C4BPA: variants seen among roughly 807,000 people sequenced by gnomAD.
C4BPA encodes C4b-binding protein alpha chain.
A neutral mutation model predicts 63.7 loss-of-function variants in C4BPA; 31 were observed. The observed-to-expected ratio is 0.49, with a 90% CI of 0.37 to 0.66. C4BPA has a LOEUF of 0.66. Among genes scored for constraint, C4BPA ranks in the 30% least tolerant of loss-of-function variants. The pLI is 0.00. For synonymous variants in C4BPA, 259 were observed against 254.7 expected, an observed-to-expected ratio of 1.02 and a Z score of -0.16; for missense variants, 572 against 723.3, an observed-to-expected ratio of 0.79 and a Z score of 2.40.
chr1:207,106,448 T>TTTGTTTTTG (rs914566073), intron 1 of C4BPA, among the ~76,000 whole-genome samples: 3 of 136,338 alleles, frequency 2.2e-5, no homozygotes, highest in African/African-American at 8.8e-5. Flanking sequence ...TAAGTTTTTT[T>TTTGTTTTTG]TTTTTTTTTG....
chr1:207,141,061 A>G (rs1685403215), intron 9 of C4BPA, 45 bp from the exon 10 acceptor site: 4 of 1,497,020 alleles, frequency 2.7e-6, no homozygotes, highest in Non-Finnish European at 2.7e-6. Context: ...TACTTTATAC[A>G]CTTTACAAAC....
At chr1:207,143,080 C>A (rs1189539646) in intron 10 of C4BPA, among the ~76,000 whole-genome samples, 2 of 152,258 alleles carry the variant, frequency 1.3e-5, no homozygotes, top group Non-Finnish European at 2.9e-5. Flanking sequence ...GACTTGAGAC[C>A]AACCCAAATG....
intron 4 of C4BPA, among the ~76,000 whole-genome samples, chr1:207,118,213 GTCTATCTA>G (rs35838980): frequency 3.4e-4 from 47 of 137,490 alleles, no homozygotes; most frequent in East Asian, 1.0e-3. Flanking sequence ...TCTATCATCT[GTCTATCTA>G]TCTATCTATC....
chr1:207,110,571 C>T (rs181510826), intron 1 of C4BPA, among the ~76,000 whole-genome samples: 25 of 152,250 alleles, frequency 1.6e-4, no homozygotes, highest in African/African-American at 6.0e-4. Flanking sequence ...GGGAGAATTG[C>T]TTGAGGCCAG....
chr1:207,113,143 G>A lies in C4BPA; in HGVS notation c.118G>A (p.Ala40Thr), dbSNP rs774716235. Reference sequence around the variant, plus strand: ...AATTCTCTTCCAAATGACCTTGATCGCTGCTCTGTTGCCTGCTGTTCTTGG... The same window carrying A: ...AATTCTCTTCCAAATGACCTTGATCACTGCTCTGTTGCCTGCTGTTCTTGG... ...DPILFQMTLI[A>T]ALLPAVLGNC... The change falls in exon 2 of 12, where the codon GCT becomes ACT. Residue 40 changes from alanine to threonine, a missense_variant. Transcript: ENST00000367070. 2.5e-6 allele frequency: 4 copies of A among 1,610,704 alleles called. No homozygotes were observed. Among genetic ancestry groups the A allele is most frequent in the South Asian group, 1.1e-5 (1 of 90,400 alleles).
chr1:207,124,480 C>A, intron 6 of C4BPA, 114 bp downstream of exon 6: 1 of 732,354 alleles, frequency 1.4e-6, no homozygotes, highest in Non-Finnish European at 2.2e-6. Context: ...AACTAACTAT[C>A]GCTCTGATGC....
chr1:207,110,919 G>C (rs1461950482), intron 1 of C4BPA, among the ~76,000 whole-genome samples: 1 of 141,688 alleles, frequency 7.1e-6, no homozygotes, highest in Non-Finnish European at 1.5e-5. Flanking sequence ...ATTTTTCATA[G>C]TCAATTCTAT....
At position 207,115,461 on chromosome 1, in the gene C4BPA, A is replaced by C; in HGVS notation, c.374A>C (p.Glu125Ala). The C allele has an allele frequency of 6.3e-7, 1 of 1,599,318 alleles. No homozygotes were observed. Among genetic ancestry groups the C allele is most frequent in the Non-Finnish European group, 8.5e-7 (1 of 1,175,474 alleles). ...HPGELRNGQV[E>A]IKTDLSFGSQ... The stretch of plus-strand genomic sequence containing the variant: ...GGAGAGTTACGTAATGGGCAAGTAG[A>C]GATTAAGACAGATTTATCTTTTGGA... Residue 125 changes from glutamate (E) to alanine (A), a missense_variant, in exon 4 of 12, where the codon GAG becomes GCG. By Grantham distance (107) the Glu-to-Ala change is moderately radical (BLOSUM62 -1). Transcript: ENST00000367070.
intron 3 of C4BPA, chr1:207,114,598 A>G (rs773500219): frequency 4.6e-6 from 1 of 217,916 alleles, no homozygotes. Flanking sequence ...GTTTCAAGTG[A>G]CTCTCCTGCC....
intron 4 of C4BPA, among the ~76,000 whole-genome samples, chr1:207,116,391 T>G (rs781413882): frequency 6.6e-5 from 10 of 152,106 alleles, no homozygotes; most frequent in Admixed American, 6.6e-4. Flanking sequence ...CTTGTTGAAC[T>G]TTTTATTCTT....
chr1:207,144,444 G>A (rs1218875457), intron 11 of C4BPA, 100 bp from the exon 12 acceptor site: 1 of 1,047,792 alleles, frequency 9.5e-7, no homozygotes, highest in African/African-American at 1.6e-5. Flanking sequence ...TCTGAGGTTG[G>A]TCTTGGTTCA....
chr1:207,139,738 C>T (rs1685371784), intron 9 of C4BPA, among the ~76,000 whole-genome samples: 3 of 152,134 alleles, frequency 2.0e-5, no homozygotes, highest in Non-Finnish European at 2.9e-5. Context: ...CAGTTACCTA[C>T]GTAAATAAAC....
At chr1:207,141,062 C>T (rs775695588) in intron 9 of C4BPA, 44 bp from the exon 10 acceptor site, 44 of 1,511,694 alleles carry the variant, frequency 2.9e-5, no homozygotes, top group Non-Finnish European at 4.0e-5. Flanking sequence ...ACTTTATACA[C>T]TTTACAAACT....
intron 1 of C4BPA, among the ~76,000 whole-genome samples, chr1:207,106,442 T>TTTTATTTG (rs1684560432): frequency 9.1e-6 from 1 of 109,630 alleles, no homozygotes; most frequent in African/African-American, 4.1e-5. Flanking sequence ...TCCGTGTAAG[T>TTTTATTTG]TTTTTTTTTT....
rs1196770495 is a variant in C4BPA, at chr1:207,119,848, G to A, written c.429-4074G>A. On this transcript the variant is annotated intron_variant, in intron 4 of 11. Transcript: ENST00000367070. The stretch of plus-strand genomic sequence containing the variant: ...TGTGGTTGTAGCAGATATTTATAAC[G>A]ATGTTTCTGTTACTTATTCCATATT... Among the ~76,000 whole-genome samples the A allele has an allele frequency of 1.0e-4, 3 of 29,064 alleles. 1 individual carries two copies. The highest frequency in any genetic ancestry group is 2.5e-4 in the Non-Finnish European group (2 of 7,882). The allele number at this position is 29,064 out of a possible 152,430, so 19.1% of individuals were successfully genotyped here. A position where few individuals can be genotyped will look rare whatever the true frequency, so the allele number is the denominator to read the frequency against.
chr1:207,141,513 T>C (rs1346928147), intron 10 of C4BPA, among the ~76,000 whole-genome samples: 1 of 152,238 alleles, frequency 6.6e-6, no homozygotes, highest in Non-Finnish European at 1.5e-5. Flanking sequence ...GGGCAGCCCA[T>C]ACCAGGTTTC....
At chr1:207,141,653 T>C (rs1485192106) in intron 10 of C4BPA, among the ~76,000 whole-genome samples, 1 of 152,112 alleles carries the variant, frequency 6.6e-6, no homozygotes, top group Admixed American at 6.5e-5. Context: ...CTAAATATCA[T>C]GAGTGACAGT....
intron 5 of C4BPA, 23 bp from the exon 6 acceptor site, chr1:207,124,152 T>C: frequency 6.2e-7 from 1 of 1,603,982 alleles, no homozygotes; most frequent in Non-Finnish European, 8.5e-7. Context: ...GAGTATTTCT[T>C]TCTCTTCACT....
chr1:207,133,459 T>C (rs1685206174), intron 8 of C4BPA, among the ~76,000 whole-genome samples: 1 of 152,220 alleles, frequency 6.6e-6, no homozygotes. Flanking sequence ...CAGCTCTTAC[T>C]GTATTAAAAA....
Sources: gnomAD v4.1 joint callset for allele counts (sites outside exome capture counted in the v4.1 genomes callset) on GRCh38, gnomAD v4.1.1 for gene constraint, MANE v1.5 for transcripts, NCBI Gene and HGNC (gene_info 2026-07-23, HGNC 2026-07-21) for gene names.